Variants in KLF15 observed in about 807,000 individuals in gnomAD.
KLF15 encodes the protein Krueppel-like factor 15.
A neutral mutation model predicts 24.6 loss-of-function variants in KLF15; 4 were observed. The observed-to-expected ratio is 0.16, with a 90% CI of 0.08 to 0.37. The LOEUF is 0.37. Ranked by LOEUF, KLF15 falls within the 10% of genes least tolerant of loss-of-function variation. The probability of loss-of-function intolerance (pLI) is 1.00; values close to 1 mark genes in which losing one functional copy is unlikely to be tolerated. For missense variants in KLF15, 496 were observed against 560.6 expected, an observed-to-expected ratio of 0.88 and a Z score of 1.16; for synonymous variants, 246 against 236.3, an observed-to-expected ratio of 1.04 and a Z score of -0.37.
chr3:126,317,156 C>T, the KLF15 span, among the ~76,000 whole-genome samples: 1 of 152,076 alleles, frequency 6.6e-6, no homozygotes, highest in African/African-American at 2.4e-5. Flanking sequence ...CTGCCTGTGC[C>T]CTGGGGGCTG....
the KLF15 span, among the ~76,000 whole-genome samples, chr3:126,329,063 A>G: frequency 6.6e-6 from 1 of 152,210 alleles, no homozygotes; most frequent in African/African-American, 2.4e-5. Flanking sequence ...AAGCATGTCT[A>G]TCTTTTCCAT....
chr3:126,301,614 T>TTC, the KLF15 span, among the ~76,000 whole-genome samples: 38 of 110,652 alleles, frequency 3.4e-4, no homozygotes, highest in East Asian at 4.8e-3. Flanking sequence ...CTTTTTCTTT[T>TTC]TTTTTTTTTT....
chr3:126,298,826 T>C, the KLF15 span, among the ~76,000 whole-genome samples: 1 of 152,210 alleles, frequency 6.6e-6, no homozygotes, highest in African/African-American at 2.4e-5. Flanking sequence ...TTGGTCTATA[T>C]GCCTATTTTT....
At chr3:126,300,545 G>A in the KLF15 span, among the ~76,000 whole-genome samples, 22 of 152,308 alleles carry the variant, frequency 1.4e-4, no homozygotes, top group East Asian at 4.2e-3. Context: ...GTGACCCCTT[G>A]CTCACAATGT....
At position 126,352,351 on chromosome 3, in the gene KLF15, C is replaced by T. The variant is rs1009734442; in HGVS notation, c.572G>A (p.Arg191His). Residue 191 changes from arginine (R) to histidine (H), a missense_variant, in exon 2 of 3, where the codon CGC becomes CAC. Coordinates refer to ENST00000296233, the MANE Select transcript of KLF15 (RefSeq NM_014079.4). Reference sequence around the variant, plus strand: ...GGCACCACCTGGTGGAGGGGAACAGCGCTCTCTCCCGCTGGACCCAGGATG... The same window carrying T: ...GGCACCACCTGGTGGAGGGGAACAGTGCTCTCTCCCGCTGGACCCAGGATG... Reference protein sequence around the residue: ...HLHPGSSGRERCSPPPGGASA... With the variant: ...HLHPGSSGREHCSPPPGGASA... 13 of 1,596,530 alleles carry T rather than the reference C, an allele frequency of 8.1e-6. No individual in the cohort carries two copies. Among genetic ancestry groups the T allele is most frequent in the Middle Eastern group, 1.7e-4 (1 of 5,992 alleles).
chr3:126,300,181 A>T, the KLF15 span, among the ~76,000 whole-genome samples: 10 of 152,062 alleles, frequency 6.6e-5, no homozygotes, highest in African/African-American at 2.4e-4. Flanking sequence ...TGGCCAGGGG[A>T]CATTAGAGCA....
the KLF15 span, among the ~76,000 whole-genome samples, chr3:126,309,457 T>A: frequency 6.6e-6 from 1 of 152,240 alleles, no homozygotes; most frequent in Non-Finnish European, 1.5e-5. Flanking sequence ...ATGACCCATG[T>A]GGCGACAGAT....
the KLF15 span, among the ~76,000 whole-genome samples, chr3:126,305,090 G>T: frequency 2.6e-4 from 40 of 152,294 alleles, no homozygotes; most frequent in Non-Finnish European, 4.9e-4. Flanking sequence ...TCTCCATCTT[G>T]GTGGCTGGAG....
chr3:126,299,222 G>GTATGTATGTATGTATGTATA, the KLF15 span, among the ~76,000 whole-genome samples: 1 of 151,932 alleles, frequency 6.6e-6, no homozygotes, highest in African/African-American at 2.4e-5. Context: ...ATGTATGTAT[G>GTATGTATGTATGTATGTATA]TATGTATGTA....
chr3:126,291,693 G>A, the KLF15 span, among the ~76,000 whole-genome samples: 10 of 152,326 alleles, frequency 6.6e-5, no homozygotes, highest in Admixed American at 4.6e-4. Flanking sequence ...TCCCTGGGCC[G>A]GTTGCATCTG....
In KLF15 at chr3:126,343,403, C is replaced by T. The variant is rs1340467088; in HGVS notation, c.*324G>A. 2 of 320,284 alleles carry T rather than the reference C, an allele frequency of 6.2e-6. No homozygotes were observed. The highest frequency in any genetic ancestry group is 1.1e-5 in the Non-Finnish European group (2 of 175,310). The allele number at this position is 320,284 out of a possible 1,614,324, so 19.8% of individuals were successfully genotyped here. On this transcript the variant is annotated 3_prime_UTR_variant, in exon 3 of 3. Transcript: ENST00000296233. The stretch of plus-strand genomic sequence containing the variant: ...ATGGGGGAGCCCAGTGGGAGAAGGG[C>T]CAGGTCCCCAAAACTCTGCCTGCAA...
At chr3:126,316,791 C>T in the KLF15 span, among the ~76,000 whole-genome samples, 1 of 151,946 alleles carries the variant, frequency 6.6e-6, no homozygotes, top group Admixed American at 6.6e-5. Context: ...GGGCTGGGGG[C>T]AGCCCAGGGC....
the KLF15 span, among the ~76,000 whole-genome samples, chr3:126,314,581 C>T: frequency 6.6e-6 from 1 of 152,244 alleles, no homozygotes; most frequent in African/African-American, 2.4e-5. Context: ...GTGCCCCAGG[C>T]TCTTGCTACT....
the KLF15 span, among the ~76,000 whole-genome samples, chr3:126,318,153 A>G: frequency 1.3e-5 from 2 of 149,982 alleles, no homozygotes; most frequent in Non-Finnish European, 1.5e-5. Context: ...TTTCCCCCCA[A>G]CTCCTCCCAT....
At chr3:126,317,882 TGAG>T in the KLF15 span, among the ~76,000 whole-genome samples, 1 of 152,210 alleles carries the variant, frequency 6.6e-6, no homozygotes, top group African/African-American at 2.4e-5. Context: ...CGGATTCTTC[TGAG>T]GAGACTAGAA....
chr3:126,310,671 C>G, the KLF15 span, among the ~76,000 whole-genome samples: 1 of 152,124 alleles, frequency 6.6e-6, no homozygotes, highest in East Asian at 1.9e-4. Flanking sequence ...CTCCCTGTGT[C>G]CTCACATGGT....
chr3:126,328,471 G>T, the KLF15 span, among the ~76,000 whole-genome samples: 1 of 152,100 alleles, frequency 6.6e-6, no homozygotes. Flanking sequence ...TGGATCAAAT[G>T]GTTGTTCCAC....
the KLF15 span, among the ~76,000 whole-genome samples, chr3:126,331,013 C>T: frequency 2.0e-5 from 3 of 152,162 alleles, no homozygotes; most frequent in African/African-American, 7.2e-5. Context: ...AGTGAACTGA[C>T]ATGAATGGGG....
At chr3:126,317,268 C>T in the KLF15 span, among the ~76,000 whole-genome samples, 1 of 152,188 alleles carries the variant, frequency 6.6e-6, no homozygotes, top group East Asian at 1.9e-4. Flanking sequence ...GCTAGTCAGA[C>T]ATGAGCAGGG....
Sources: gnomAD v4.1 joint callset for allele counts (sites outside exome capture counted in the v4.1 genomes callset) on GRCh38, gnomAD v4.1.1 for gene constraint, MANE v1.5 for transcripts, NCBI Gene and HGNC (gene_info 2026-07-23, HGNC 2026-07-21) for gene names.